ZNF77: variants seen among roughly 807,000 people sequenced by gnomAD.
ZNF77 encodes the protein zinc finger protein 77.
A neutral mutation model predicts 13.5 loss-of-function variants in ZNF77; 15 were observed. The observed-to-expected ratio is 1.11, with a 90% CI of 0.74 to 1.71. The LOEUF is 1.71. Ranked by LOEUF, ZNF77 falls within the 40% of genes most tolerant of loss-of-function variation. The probability of loss-of-function intolerance (pLI) is 0.00; values close to 1 mark genes in which losing one functional copy is unlikely to be tolerated. For missense variants in ZNF77, 717 were observed against 676.4 expected (o/e 1.06, Z -0.67); for synonymous variants, 282 against 250.0 (o/e 1.13, Z -1.21).
In ZNF77 at chr19:2,933,240, T is replaced by G. The variant is rs1379595789; in HGVS notation, c.*249A>C. ...AGCTGAAAGCGTACAAAACAGGATA[T>G]TTATTAAATGTTTATATCACAAACA... On this transcript the variant is annotated 3_prime_UTR_variant, in exon 4 of 4. Transcript: ENST00000314531. The G allele has an allele frequency of 2.6e-6, 1 of 386,696 alleles. No homozygotes were observed. Among genetic ancestry groups the G allele is most frequent in the Non-Finnish European group, 4.6e-6 (1 of 218,934 alleles). The allele number at this position is 386,696 out of a possible 1,614,324, so 24.0% of individuals were successfully genotyped here.
rs778121277 is a variant in ZNF77, at chr19:2,934,566, C to T, written c.561G>A (p.Glu187=). The change falls in exon 4 of 4, where the codon GAG becomes GAA. Residue 187 remains glutamate (E), a synonymous_variant. Coordinates refer to ENST00000314531, the MANE Select transcript of ZNF77 (RefSeq NM_021217.3). ...QSPPMKTQTV[E]KPCNCQDSRT... Reference sequence around the variant, plus strand: ...TTGAGTCCTGGCAATTACAGGGTTTCTCTACAGTCTGCGTTTTCATAGGAG... The same window carrying T: ...TTGAGTCCTGGCAATTACAGGGTTTTTCTACAGTCTGCGTTTTCATAGGAG... The T allele has an allele frequency of 1.2e-6, 2 of 1,614,180 alleles. No individual in the cohort carries two copies. The highest frequency in any genetic ancestry group is 2.2e-5 in the South Asian group (2 of 91,082).
At position 2,944,932 on chromosome 19, in the gene ZNF77, G is replaced by C. The variant is rs2088483245; in HGVS notation, c.-92C>G. 13 of 1,445,394 alleles carry C rather than the reference G, an allele frequency of 9.0e-6. No homozygotes were observed. The highest frequency in any genetic ancestry group is 2.6e-5 in the Admixed American group (1 of 38,134). 89.5% of individuals were successfully genotyped at this position (1,445,394 alleles called of 1,614,324 possible). A position where few individuals can be genotyped will look rare whatever the true frequency, so the allele number is the denominator to read the frequency against. ...CGACAGGACACCTGAGCCGCTCGGG[G>C]TAGGCGGGGAAGCGCGCAAGGCAGA... On this transcript the variant is annotated 5_prime_UTR_variant, in exon 1 of 4. Coordinates refer to ENST00000314531, the MANE Select transcript of ZNF77 (RefSeq NM_021217.3).
rs762564786 is a variant in ZNF77, at chr19:2,934,180, C to T, written c.947G>A (p.Arg316Lys). The change falls in exon 4 of 4, where the codon AGG (arginine) becomes AAG (lysine). Residue 316 changes from arginine to lysine, a missense_variant. Coordinates refer to ENST00000314531, the MANE Select transcript of ZNF77 (RefSeq NM_021217.3). The part of the protein sequence containing the change: ...SCYSSFRDHV[R>K]THTGEKPCQC... ...ACAGGGTTTCTCTCCAGTGTGCGTC[C>T]TCACGTGATCTCTAAAGGAGGAGTA... 2 of 1,614,158 alleles carry T rather than the reference C, an allele frequency of 1.2e-6. No homozygotes were observed. Among genetic ancestry groups the T allele is most frequent in the Admixed American group, 3.3e-5 (2 of 60,012 alleles).
At chr19:2,942,284 G>A (rs545802378) in intron 1 of ZNF77, among the ~76,000 whole-genome samples, 2 of 151,232 alleles carry the variant, frequency 1.3e-5, no homozygotes, top group African/African-American at 2.4e-5. Flanking sequence ...GTCAATCAGG[G>A]TGGTCTTGAA....
chr19:2,938,718 A>C (rs1375717484), intron 2 of ZNF77, among the ~76,000 whole-genome samples: 16 of 152,192 alleles, frequency 1.1e-4, no homozygotes, highest in African/African-American at 3.9e-4. Flanking sequence ...GCACTTTGGG[A>C]GGCCAAGGCG....
intron 2 of ZNF77, among the ~76,000 whole-genome samples, chr19:2,937,497 A>C (rs934589910): frequency 3.3e-5 from 5 of 152,120 alleles, no homozygotes; most frequent in African/African-American, 1.2e-4. Context: ...TGTCTCAAAA[A>C]AAAAAAAAGA....
At chr19:2,936,926 A>C (rs1359748275) in intron 2 of ZNF77, among the ~76,000 whole-genome samples, 2 of 152,138 alleles carry the variant, frequency 1.3e-5, no homozygotes, top group Non-Finnish European at 2.9e-5. Flanking sequence ...TGTAATCTCA[A>C]AGCACTGCGG....
Position 2,942,520 on chromosome 19 carries a change from G to A in ZNF77, c.3+2318C>T, listed in dbSNP as rs151251062. ...ACCACAGGTGCGCATCCCCATGCCC[G>A]GCCTCATTATTTTACATTTACTAAA... On this transcript the variant is annotated intron_variant, in intron 1 of 3. Transcript: ENST00000314531. Among the ~76,000 whole-genome samples the A allele has an allele frequency of 4.8e-3, 727 of 151,626 alleles. 9 individuals carry two copies. Among genetic ancestry groups the A allele is most frequent in the African/African-American group, 0.016 (658 of 41,310 alleles).
intron 1 of ZNF77, among the ~76,000 whole-genome samples, chr19:2,941,526 C>T (rs374468287): frequency 2.0e-4 from 31 of 152,066 alleles, no homozygotes; most frequent in African/African-American, 2.9e-4. Context: ...ACTTTCAGCC[C>T]GTGTTAAAGG....
chr19:2,939,865 G>A (rs1052189231), intron 1 of ZNF77: 11 of 173,720 alleles, frequency 6.3e-5, no homozygotes, highest in African/African-American at 1.9e-4. Context: ...CTGTAGTCCC[G>A]GCTACTTAGG....
At chr19:2,936,314 A>G (rs1204960835) in intron 3 of ZNF77, among the ~76,000 whole-genome samples, 2 of 152,030 alleles carry the variant, frequency 1.3e-5, no homozygotes. Context: ...CGCCCAGCTA[A>G]TGTTTTGTAT....
rs773741702 is a variant in ZNF77, at chr19:2,934,313, C to A, written c.814G>T (p.Glu272Ter). Residue 272 changes from glutamate to a stop codon, truncating the protein, a stop_gained, in exon 4 of 4, where the codon GAG (glutamate) becomes TAG (stop). Coordinates refer to ENST00000314531, the MANE Select transcript of ZNF77 (RefSeq NM_021217.3). LOFTEE classifies it low-confidence loss of function (END_TRUNC). ...HTGEKPYECK[E>*]CGKAFSCPSY... ...GGACAGCTGAAGGCTTTCCCACACT[C>A]CTTACACTCATAGGGTTTCTCTCCT... 6.2e-7 allele frequency: 1 copy of A among 1,613,664 alleles called. No individual in the cohort carries two copies. Among genetic ancestry groups the A allele is most frequent in the South Asian group, 1.1e-5 (1 of 91,046 alleles).
chr19:2,940,195 A>G (rs1274899368), intron 1 of ZNF77, among the ~76,000 whole-genome samples: 2 of 151,952 alleles, frequency 1.3e-5, no homozygotes, highest in African/African-American at 4.8e-5. Flanking sequence ...TAAAAATACA[A>G]CTATGAAGAA....
intron 1 of ZNF77, among the ~76,000 whole-genome samples, chr19:2,942,257 A>G (rs1297059857): frequency 6.6e-6 from 1 of 151,750 alleles, no homozygotes; most frequent in Non-Finnish European, 1.5e-5. Flanking sequence ...TTTTTAGTAG[A>G]GACGGGGTTT....
Position 2,934,493 on chromosome 19 carries a change from A to C in ZNF77, c.634T>G (p.Tyr212Asp). ...GCTTTTCCACATTTCTGACATTCAT[A>C]AGACTTTTTACTGCTGAGACTTTTC... The part of the protein sequence containing the change: ...YVKSLSSKKS[Y>D]ECQKCGKAFI... Residue 212 changes from tyrosine to aspartate, a missense_variant, in exon 4 of 4, where the codon TAT becomes GAT. Coordinates refer to ENST00000314531, the MANE Select transcript of ZNF77 (RefSeq NM_021217.3). 6.2e-7 allele frequency: 1 copy of C among 1,614,228 alleles called. No individual in the cohort carries two copies. Among genetic ancestry groups the C allele is most frequent in the Non-Finnish European group, 8.5e-7 (1 of 1,180,042 alleles).
chr19:2,944,409 G>A (rs1038231080), intron 1 of ZNF77, among the ~76,000 whole-genome samples: 10 of 138,974 alleles, frequency 7.2e-5, no homozygotes, highest in Non-Finnish European at 1.1e-4. Flanking sequence ...CCGAGTTCCT[G>A]ACCGCTGCTA....
chr19:2,943,687 C>T (rs1197856399), intron 1 of ZNF77, among the ~76,000 whole-genome samples: 1 of 126,146 alleles, frequency 7.9e-6, no homozygotes, highest in Non-Finnish European at 1.7e-5. Flanking sequence ...CCTTCTCTAG[C>T]CAGGATTTTT....
chr19:2,940,848 C>A (rs1353001694), intron 1 of ZNF77, among the ~76,000 whole-genome samples: 1 of 151,996 alleles, frequency 6.6e-6, no homozygotes, highest in Admixed American at 6.6e-5. Context: ...AATTGTCTTA[C>A]AAAAGTTCTA....
rs1287133586 is a variant in ZNF77, at chr19:2,934,673, C to T, written c.454G>A (p.Glu152Lys). ...CCAGTGTGAGATCTCTGCCGATTCT[C>T]GAAGGCTTTGCCACACTTAGTGCAC... Reference protein sequence around the residue: ...SECTKCGKAFENRQRSHTGQR... With the variant: ...SECTKCGKAFKNRQRSHTGQR... Residue 152 changes from glutamate (E) to lysine (K), a missense_variant, in exon 4 of 4, where the codon GAG becomes AAG. Glu to Lys is a moderately conservative substitution (Grantham distance 56). Transcript: ENST00000314531. 11 of 1,613,946 alleles carry T rather than the reference C, an allele frequency of 6.8e-6. No homozygotes were observed. Among genetic ancestry groups the T allele is most frequent in the African/African-American group, 2.7e-5 (2 of 74,888 alleles).
Sources: allele counts gnomAD v4.1 joint callset (sites outside exome capture counted in the v4.1 genomes callset), GRCh38; gene constraint gnomAD v4.1.1; transcripts MANE v1.5; gene names NCBI Gene and HGNC (gene_info 2026-07-23, HGNC 2026-07-21).